The following KCP variants were observed in gnomAD, a reference collection of about 807,000 sequenced individuals.
KCP encodes the protein kielin/chordin-like protein.
Under a neutral mutation model 212.7 loss-of-function variants are expected in KCP, and 194 were observed. The observed-to-expected ratio is 0.91, with a 90% CI of 0.81 to 1.03. KCP has a LOEUF of 1.03. Among genes scored for constraint, KCP ranks in the 50% least tolerant of loss-of-function variants. The pLI is 0.00. For missense variants in KCP, 2,080 were observed against 2,162.5 expected, an observed-to-expected ratio of 0.96 and a Z score of 0.76; for synonymous variants, 833 against 865.3, an observed-to-expected ratio of 0.96 and a Z score of 0.65.
Position 128,884,094 on chromosome 7 carries a change from C to T in KCP, c.3152G>A (p.Arg1051His), listed in dbSNP as rs182771025. The change falls in exon 29 of 40, where the codon CGC becomes CAC. Residue 1051 changes from arginine (R) to histidine (H), a missense_variant. Physicochemically the swap from Arg to His is conservative, Grantham distance 29 (BLOSUM62 0). Transcript: ENST00000610776. ...GCTGGGACACTGCCGCCGGTGACAG[C>T]GAAGGCTGGGAGGCCCCTCAGGCTG... ...EPQPEGPPSL[R>H]CHRRQCPSLV... The T allele has an allele frequency of 4.2e-3, 6,502 of 1,544,754 alleles. 22 individuals are homozygous for T. Among genetic ancestry groups the T allele is most frequent in the Non-Finnish European group, 5.3e-3 (6,029 of 1,145,320 alleles).
intron 1 of KCP, among the ~76,000 whole-genome samples, chr7:128,909,240 C>T (rs1795306792): frequency 6.6e-6 from 1 of 152,178 alleles, no homozygotes; most frequent in Non-Finnish European, 1.5e-5. Context: ...ACATAGGTCC[C>T]TCCTCCAGGC....
intron 4 of KCP, 127 bp from the exon 5 acceptor site, chr7:128,906,490 G>A (rs1795125674): frequency 1.4e-6 from 1 of 717,624 alleles, no homozygotes; most frequent in South Asian, 1.6e-5. Flanking sequence ...CTCTGTGGAT[G>A]TGGGCTACCC....
At chr7:128,892,442 T>A in intron 16 of KCP, 72 bp downstream of exon 16, 1 of 1,116,526 alleles carries the variant, frequency 9.0e-7, no homozygotes, top group Non-Finnish European at 1.3e-6. Flanking sequence ...AGGTACCTGT[T>A]GGGCCCATGG....
At chr7:128,902,113 T>C (rs891878334) in intron 8 of KCP, among the ~76,000 whole-genome samples, 1 of 152,252 alleles carries the variant, frequency 6.6e-6, no homozygotes, top group African/African-American at 2.4e-5. Context: ...CAGGCTGGTC[T>C]CAAACTCTTG....
intron 1 of KCP, among the ~76,000 whole-genome samples, chr7:128,910,349 A>G (rs1289932133): frequency 6.6e-6 from 1 of 152,106 alleles, no homozygotes; most frequent in African/African-American, 2.4e-5. Context: ...CCCAGATGCC[A>G]GGGCAGCCGC....
intron 5 of KCP, among the ~76,000 whole-genome samples, chr7:128,905,594 C>T (rs1327282360): frequency 2.6e-5 from 4 of 152,320 alleles, no homozygotes; most frequent in African/African-American, 9.6e-5. Flanking sequence ...ACAGCCCCGA[C>T]GCCTCTGTCT....
rs995967089 is a variant in KCP at position 128,877,627 on chromosome 7, A to G, written c.4475T>C (p.Phe1492Ser). ...CAGGTCATACACACAGGCGGCAAAG[A>G]AGGGCTCCGGTGGCACCACAGCATG... ...RCHAVVPPEP[F>S]FAACVYDLCA... The change falls in exon 39 of 40, where the codon TTC becomes TCC. Residue 1492 changes from phenylalanine to serine, a missense_variant. Coordinates refer to ENST00000610776, the MANE Select transcript of KCP (RefSeq NM_001366122.1). 3 of 1,551,516 alleles carry G rather than the reference A, an allele frequency of 1.9e-6. No individual in the cohort carries two copies. The highest frequency in any genetic ancestry group is 2.6e-6 in the Non-Finnish European group (3 of 1,146,984).
At chr7:128,905,972 C>T (rs1325811557) in intron 5 of KCP, among the ~76,000 whole-genome samples, 1 of 152,152 alleles carries the variant, frequency 6.6e-6, no homozygotes. Context: ...TACACCTCCT[C>T]TTAATCTGCT....
In KCP at chr7:128,892,458, T is replaced by C. The variant is rs192143163; in HGVS notation, c.1621+56A>G. On this transcript the variant is annotated intron_variant, in intron 16 of 39. Coordinates refer to ENST00000610776, the MANE Select transcript of KCP (RefSeq NM_001366122.1). ...GGTACCTGTTGGGCCCATGGGGCTG[T>C]GGGACAGCAGCCTCTGGGGCCCTGA... 2.4e-4 allele frequency: 311 copies of C among 1,299,150 alleles called. No homozygotes were observed. The African/African-American group carries it at 4.3e-3, about 18-fold the overall frequency. The allele number at this position is 1,299,150 out of a possible 1,614,324, so 80.5% of individuals were successfully genotyped here. A position where few individuals can be genotyped will look rare whatever the true frequency, so the allele number is the denominator to read the frequency against.
At chr7:128,904,214 C>T in intron 5 of KCP, 76 bp from the exon 6 acceptor site, 2 of 1,527,394 alleles carry the variant, frequency 1.3e-6, no homozygotes, top group East Asian at 4.9e-5. Context: ...TAAGGCATGA[C>T]CCCAAGTAGG....
intron 16 of KCP, among the ~76,000 whole-genome samples, chr7:128,892,239 G>A (rs907969200): frequency 1.3e-5 from 2 of 151,724 alleles, no homozygotes; most frequent in Middle Eastern, 3.4e-3. Context: ...AGGGGGGTGG[G>A]GGCCCTAGCG....
At chr7:128,890,877 G>A (rs1323919170) in intron 20 of KCP, 28 bp downstream of exon 20, 2 of 1,247,414 alleles carry the variant, frequency 1.6e-6, no homozygotes, top group Admixed American at 8.1e-5. Context: ...GACGCGGGTG[G>A]CCGGGAGGGG....
intron 8 of KCP, among the ~76,000 whole-genome samples, chr7:128,895,967 A>G (rs1794494818): frequency 6.6e-6 from 1 of 152,140 alleles, no homozygotes; most frequent in South Asian, 2.1e-4. Context: ...ACTTGCTTTC[A>G]CTTTATAGAC....
chr7:128,890,972 C>G lies in KCP; in HGVS notation c.2097G>C (p.Gln699His). Residue 699 changes from glutamine (Q) to histidine (H), a missense_variant, in exon 20 of 40, where the codon CAG becomes CAC. Coordinates refer to ENST00000610776, the MANE Select transcript of KCP (RefSeq NM_001366122.1). The stretch of plus-strand genomic sequence containing the variant: ...AGGGCGCGGGCGGGCAGGGCAGCCG[C>G]TGGCAGGACACGGAGCCGTCGAGGC... ...CLCLDGSVSC[Q>H]RLPCPPAPCA... 7.8e-7 allele frequency: 1 copy of G among 1,280,036 alleles called. No homozygotes were observed. Among genetic ancestry groups the G allele is most frequent in the Non-Finnish European group, 9.8e-7 (1 of 1,019,036 alleles). The allele number at this position is 1,280,036 out of a possible 1,614,324, so 79.3% of individuals were successfully genotyped here.
rs1251007014 is a variant in KCP, at chr7:128,879,904, G to T, written c.3932+9C>A. ...GGGGTTGGGGAGAAGAGAGACAGGG[G>T]ATGCACACCTGAAGTCCCCGCTGTG... is the stretch of plus-strand genomic sequence containing the variant. On this transcript the variant is annotated intron_variant, in intron 35 of 39. Transcript: ENST00000610776. 1.3e-6 allele frequency: 2 copies of T among 1,551,200 alleles called. No individual in the cohort carries two copies. Among genetic ancestry groups the T allele is most frequent in the South Asian group, 1.2e-5 (1 of 84,060 alleles).
chr7:128,899,271 T>G (rs1794700923), intron 8 of KCP, among the ~76,000 whole-genome samples: 1 of 152,234 alleles, frequency 6.6e-6, no homozygotes, highest in African/African-American at 2.4e-5. Flanking sequence ...AATTTCCTTA[T>G]CAATTGTGGC....
At chr7:128,884,198 C>A in intron 28 of KCP, 76 bp from the exon 29 acceptor site, 1 of 1,467,738 alleles carries the variant, frequency 6.8e-7, no homozygotes, top group Non-Finnish European at 9.0e-7. Context: ...ACTTCCGGCC[C>A]CTCCCTCTGC....
At chr7:128,893,703 A>G in intron 11 of KCP, 103 bp downstream of exon 11, 1 of 1,278,434 alleles carries the variant, frequency 7.8e-7, no homozygotes, top group Non-Finnish European at 1.1e-6. Context: ...CTTTGGGAAC[A>G]GGGTAACAGG....
At chr7:128,890,822 G>T in intron 20 of KCP, 83 bp downstream of exon 20, 1 of 1,157,722 alleles carries the variant, frequency 8.6e-7, no homozygotes, top group Non-Finnish European at 1.1e-6. Context: ...CGGGCCTGGA[G>T]GAAGGGGACT....
Sources: gnomAD v4.1 joint callset for allele counts (sites outside exome capture counted in the v4.1 genomes callset) on GRCh38, gnomAD v4.1.1 for gene constraint, MANE v1.5 for transcripts, NCBI Gene and HGNC (gene_info 2026-07-23, HGNC 2026-07-21) for gene names.